The following SPATA17 variants were observed in gnomAD, a reference collection of about 807,000 sequenced individuals.
The protein encoded by SPATA17 is spermatogenesis-associated protein 17.
SPATA17 carries 53 observed loss-of-function variants against 62.2 expected under a neutral mutation model. The ratio of observed to expected loss-of-function variants is 0.85; its 90% confidence interval spans 0.68 to 1.07. The LOEUF is 1.07. Ranked by LOEUF, SPATA17 falls within the 50% of genes least tolerant of loss-of-function variation. The probability of loss-of-function intolerance (pLI) is 0.00; values close to 1 mark genes in which losing one functional copy is unlikely to be tolerated. For missense variants in SPATA17, 466 were observed against 425.5 expected, an observed-to-expected ratio of 1.10 and a Z score of -0.84; for synonymous variants, 146 against 146.8, an observed-to-expected ratio of 0.99 and a Z score of 0.04.
chr1:217,862,505 A>C (rs2103016748), intron 9 of SPATA17, among the ~76,000 whole-genome samples: 1 of 152,330 alleles, frequency 6.6e-6, no homozygotes, highest in South Asian at 2.1e-4. Context: ...AGACAGGTGG[A>C]TATGCCTGAG....
At chr1:217,682,014 A>T (rs1053834922) in intron 4 of SPATA17, among the ~76,000 whole-genome samples, 4 of 152,148 alleles carry the variant, frequency 2.6e-5, no homozygotes, top group African/African-American at 9.6e-5. Context: ...ATATCCAAAA[A>T]GGGAATGATT....
intron 9 of SPATA17, among the ~76,000 whole-genome samples, chr1:217,808,284 C>T (rs1218047982): frequency 6.6e-6 from 1 of 151,900 alleles, no homozygotes; most frequent in East Asian, 1.9e-4. Flanking sequence ...CCTTCTTTAG[C>T]TCAGTGATCC....
intron 5 of SPATA17, among the ~76,000 whole-genome samples, chr1:217,711,508 A>G (rs1311428602): frequency 2.0e-5 from 3 of 152,198 alleles, no homozygotes; most frequent in Non-Finnish European, 2.9e-5. Context: ...TCCACTTTCT[A>G]GCTATGTGAC....
chr1:217,834,083 G>T (rs1357347892), intron 9 of SPATA17, among the ~76,000 whole-genome samples: 4 of 152,152 alleles, frequency 2.6e-5, no homozygotes, highest in Non-Finnish European at 5.9e-5. Flanking sequence ...TACAAGGGCA[G>T]TCCCATAAGA....
At chr1:217,714,856 TA>T (rs1671966250) in intron 5 of SPATA17, among the ~76,000 whole-genome samples, 1 of 152,196 alleles carries the variant, frequency 6.6e-6, no homozygotes, top group Admixed American at 6.5e-5. Flanking sequence ...AGGATTTATC[TA>T]AAATGTCAGG....
chr1:217,657,538 C>G (rs1444377426), intron 3 of SPATA17, among the ~76,000 whole-genome samples: 1 of 152,192 alleles, frequency 6.6e-6, no homozygotes, highest in East Asian at 1.9e-4. Context: ...TGAACCTCTG[C>G]ACTGTCACAC....
intron 6 of SPATA17, among the ~76,000 whole-genome samples, chr1:217,748,827 A>T (rs544426365): frequency 4.6e-5 from 7 of 151,986 alleles, no homozygotes; most frequent in Admixed American, 1.3e-4. Context: ...AAGTGGAGAG[A>T]TCTTATGCAT....
At chr1:217,772,980 G>T (rs1413313689) in intron 6 of SPATA17, among the ~76,000 whole-genome samples, 1 of 151,900 alleles carries the variant, frequency 6.6e-6, no homozygotes, top group Non-Finnish European at 1.5e-5. Context: ...GGGATGGGAC[G>T]TTGCATTTGG....
intron 9 of SPATA17, among the ~76,000 whole-genome samples, chr1:217,856,583 C>T (rs929022371): frequency 1.3e-5 from 2 of 152,174 alleles, no homozygotes; most frequent in African/African-American, 4.8e-5. Context: ...AATGCATCAT[C>T]CACTCATCAG....
At chr1:217,843,836 C>A (rs1675465726) in intron 9 of SPATA17, among the ~76,000 whole-genome samples, 1 of 152,080 alleles carries the variant, frequency 6.6e-6, no homozygotes, top group Non-Finnish European at 1.5e-5. Context: ...AGAATAGAAC[C>A]TTTGATTTAT....
chr1:217,654,998 C>CCA (rs1670409050), intron 3 of SPATA17, among the ~76,000 whole-genome samples: 1 of 152,180 alleles, frequency 6.6e-6, no homozygotes, highest in South Asian at 2.1e-4. Flanking sequence ...GCGTGAGCCA[C>CCA]CGCACCCAGC....
chr1:217,734,913 G>A (rs1233907739), intron 5 of SPATA17, among the ~76,000 whole-genome samples: 1 of 152,152 alleles, frequency 6.6e-6, no homozygotes, highest in Non-Finnish European at 1.5e-5. Flanking sequence ...CCAAAGTGAA[G>A]TTGATGCTGC....
At chr1:217,667,627 C>G (rs753812078) in intron 3 of SPATA17, among the ~76,000 whole-genome samples, 2 of 152,156 alleles carry the variant, frequency 1.3e-5, no homozygotes, top group Non-Finnish European at 2.9e-5. Flanking sequence ...AAAGCTCACA[C>G]ATTCACTCTA....
In SPATA17 at chr1:217,651,224, G is replaced by A. The variant is rs763569786; in HGVS notation, c.240+46G>A. The stretch of plus-strand genomic sequence containing the variant: ...TGTTAGCATTTGAATTGTACAATAT[G>A]CTGTAACTTACTCACTTTAGTCATA... On this transcript the variant is annotated intron_variant, in intron 3 of 10. Coordinates refer to ENST00000366933, the MANE Select transcript of SPATA17 (RefSeq NM_138796.4). 5.7e-6 allele frequency: 8 copies of A among 1,397,030 alleles called. No homozygotes were observed. In the African/African-American group the frequency reaches 5.8e-5, roughly 10 times the overall value. 86.5% of individuals were successfully genotyped at this position (1,397,030 alleles called of 1,614,324 possible).
intron 1 of SPATA17, among the ~76,000 whole-genome samples, chr1:217,642,807 A>G (rs1670095192): frequency 6.6e-6 from 1 of 152,224 alleles, no homozygotes; most frequent in Non-Finnish European, 1.5e-5. Context: ...CAGAACTGTG[A>G]GTCAATTAAA....
chr1:217,801,601 C>A, intron 8 of SPATA17, 117 bp from the exon 9 acceptor site: 1 of 749,492 alleles, frequency 1.3e-6, no homozygotes, highest in Non-Finnish European at 2.0e-6. Flanking sequence ...TCTAGGTATT[C>A]TGATTCTAAA....
At chr1:217,693,522 G>A (rs1451896964) in intron 5 of SPATA17, among the ~76,000 whole-genome samples, 1 of 133,966 alleles carries the variant, frequency 7.5e-6, no homozygotes, top group African/African-American at 2.8e-5. Context: ...GTTATTTCTT[G>A]CCTTCTGCTA....
intron 5 of SPATA17, among the ~76,000 whole-genome samples, chr1:217,713,162 G>T (rs1671919490): frequency 6.6e-6 from 1 of 152,188 alleles, no homozygotes. Context: ...TGGAGTGAAG[G>T]TGTGGCAAAT....
chr1:217,679,716 C>T (rs1002437598), intron 4 of SPATA17, among the ~76,000 whole-genome samples: 2 of 152,206 alleles, frequency 1.3e-5, no homozygotes, highest in Non-Finnish European at 2.9e-5. Context: ...AGAATGTTTT[C>T]TGAAAGCATA....
Sources: gnomAD v4.1 joint callset for allele counts (sites outside exome capture counted in the v4.1 genomes callset) on GRCh38, gnomAD v4.1.1 for gene constraint, MANE v1.5 for transcripts, NCBI Gene and HGNC (gene_info 2026-07-23, HGNC 2026-07-21) for gene names.